Variants in ANKS1B observed in about 807,000 individuals in gnomAD.
ANKS1B encodes the protein ankyrin repeat and sterile alpha motif domain-containing protein 1B.
A neutral mutation model predicts 148.3 loss-of-function variants in ANKS1B; 36 were observed. That is an observed-to-expected ratio of 0.24 (90% confidence interval 0.19 to 0.32). The LOEUF (loss-of-function observed/expected upper bound fraction) is 0.32, where lower values mean the gene tolerates loss of function less well. Ranked by LOEUF, ANKS1B falls within the 10% of genes least tolerant of loss-of-function variation. The pLI, the probability that ANKS1B is intolerant of heterozygous loss-of-function variation, is 1.00. For synonymous variants in ANKS1B, 542 were observed against 560.8 expected, an observed-to-expected ratio of 0.97 and a Z score of 0.47; for missense variants, 1,157 against 1,542.6, an observed-to-expected ratio of 0.75 and a Z score of 4.19.
At chr12:99,365,138 G>C (rs769888549) in intron 12 of ANKS1B, among the ~76,000 whole-genome samples, 1 of 152,318 alleles carries the variant, frequency 6.6e-6, no homozygotes, top group East Asian at 1.9e-4. Flanking sequence ...CATCTTGGGT[G>C]CCAGTGGCTG....
chr12:99,207,140 C>T (rs559591583), intron 14 of ANKS1B, among the ~76,000 whole-genome samples: 81 of 152,252 alleles, frequency 5.3e-4, no homozygotes, highest in Middle Eastern at 3.4e-3. Context: ...TTGCATTGTG[C>T]TATTCTTTAA....
chr12:99,285,847 C>T (rs1471881589), intron 12 of ANKS1B, among the ~76,000 whole-genome samples: 1 of 152,012 alleles, frequency 6.6e-6, no homozygotes, highest in Admixed American at 6.6e-5. Context: ...TCAGCTGGCA[C>T]CCAAAGAGTG....
At chr12:99,285,576 A>C (rs2079019822) in intron 12 of ANKS1B, among the ~76,000 whole-genome samples, 1 of 152,228 alleles carries the variant, frequency 6.6e-6, no homozygotes, top group Non-Finnish European at 1.5e-5. Context: ...TTGAATAACC[A>C]TCCACATAAG....
intron 8 of ANKS1B, among the ~76,000 whole-genome samples, chr12:99,719,111 C>A (rs1337516583): frequency 6.6e-6 from 1 of 152,168 alleles, no homozygotes; most frequent in Non-Finnish European, 1.5e-5. Context: ...AACAACTTGA[C>A]CTTACTGTTT....
At chr12:99,007,349 T>C (rs1432308417) in intron 17 of ANKS1B, among the ~76,000 whole-genome samples, 1 of 152,194 alleles carries the variant, frequency 6.6e-6, no homozygotes, top group Non-Finnish European at 1.5e-5. Flanking sequence ...TTCAAGTAAA[T>C]ACTAGGCCTG....
intron 24 of ANKS1B, among the ~76,000 whole-genome samples, chr12:98,778,168 C>CT (rs2098699258): frequency 6.6e-6 from 1 of 152,214 alleles, no homozygotes; most frequent in South Asian, 2.1e-4. Flanking sequence ...GAATAAAGTA[C>CT]GATGAAAACA....
intron 8 of ANKS1B, among the ~76,000 whole-genome samples, chr12:99,754,569 T>A (rs1354594168): frequency 6.6e-6 from 1 of 152,204 alleles, no homozygotes; most frequent in African/African-American, 2.4e-5. Context: ...ACATGGCACA[T>A]ACTCTAAAAT....
chr12:99,236,791 C>T (rs2088047750), intron 14 of ANKS1B, among the ~76,000 whole-genome samples: 1 of 152,156 alleles, frequency 6.6e-6, no homozygotes, highest in Non-Finnish European at 1.5e-5. Context: ...GAGATTATAT[C>T]CTTTGCAGGG....
intron 9 of ANKS1B, among the ~76,000 whole-genome samples, chr12:99,538,731 T>A (rs112516925): frequency 3.9e-5 from 6 of 152,250 alleles, no homozygotes; most frequent in African/African-American, 1.4e-4. Context: ...GCCCTTTATA[T>A]CTTTCTGTTG....
rs142280286 is a variant in ANKS1B at position 99,766,575 on chromosome 12, G to C, written c.1128+6347C>G. ...ATAAATGCAGGTCAACATGATCCTA[G>C]TTCTACATTCCCTAATTCTTGCAAA... On this transcript the variant is annotated intron_variant, in intron 8 of 26. Transcript: ENST00000683438. 5.2e-3 allele frequency among the ~76,000 whole-genome samples: 791 copies of C among 152,192 alleles called. 2 individuals are homozygous for C. Among genetic ancestry groups the C allele is most frequent in the Non-Finnish European group, 7.8e-3 (531 of 67,978 alleles).
chr12:99,425,139 TAA>T (rs1470015413), intron 11 of ANKS1B, among the ~76,000 whole-genome samples: 1 of 151,996 alleles, frequency 6.6e-6, no homozygotes, highest in East Asian at 1.9e-4. Flanking sequence ...TTAATTCGGC[TAA>T]AGTTTTTCTT....
chr12:98,929,016 G>A lies in ANKS1B; in HGVS notation c.2779-96880C>T, dbSNP rs149417286. On this transcript the variant is annotated intron_variant, in intron 17 of 26. Coordinates refer to ENST00000683438, the MANE Select transcript of ANKS1B (RefSeq NM_001352186.2). Reference sequence around the variant, plus strand: ...GAAACTATCTCTATTTGCAGATTACGTGATCGTTATATAGAAAACCCTAAT... The same window carrying A: ...GAAACTATCTCTATTTGCAGATTACATGATCGTTATATAGAAAACCCTAAT... 2.3e-3 allele frequency among the ~76,000 whole-genome samples: 348 copies of A among 151,062 alleles called. 1 individual carries two copies. Among genetic ancestry groups the A allele is most frequent in the African/African-American group, 8.1e-3 (331 of 41,006 alleles).
chr12:99,052,757 A>AAAAAAAAG (rs2099967078), intron 17 of ANKS1B, among the ~76,000 whole-genome samples: 1 of 148,584 alleles, frequency 6.7e-6, no homozygotes, highest in Non-Finnish European at 1.5e-5. Context: ...AAAAAAAAAA[A>AAAAAAAAG]AGAAATAGAG....
intron 24 of ANKS1B, among the ~76,000 whole-genome samples, chr12:98,778,177 CAT>C (rs2098699438): frequency 6.6e-6 from 1 of 152,166 alleles, no homozygotes; most frequent in Non-Finnish European, 1.5e-5. Context: ...ACGATGAAAA[CAT>C]AAAATATGAA....
At chr12:99,800,191 T>C (rs1033531092) in intron 4 of ANKS1B, among the ~76,000 whole-genome samples, 2 of 151,934 alleles carry the variant, frequency 1.3e-5, no homozygotes, top group African/African-American at 4.8e-5. Context: ...CTGGTGTCCT[T>C]ATAAGGGAAA....
At chr12:99,899,957 G>A (rs937015418) in intron 1 of ANKS1B, among the ~76,000 whole-genome samples, 19 of 151,724 alleles carry the variant, frequency 1.3e-4, no homozygotes, top group African/African-American at 4.6e-4. Flanking sequence ...GGAGTGCAGT[G>A]GCACGATCTC....
intron 9 of ANKS1B, among the ~76,000 whole-genome samples, chr12:99,544,257 A>G (rs1177505917): frequency 1.3e-5 from 2 of 152,172 alleles, no homozygotes; most frequent in African/African-American, 4.8e-5. Flanking sequence ...AAGTTATACC[A>G]GTTATGAAGT....
At chr12:99,292,002 T>A (rs1280969870) in intron 12 of ANKS1B, among the ~76,000 whole-genome samples, 1 of 152,088 alleles carries the variant, frequency 6.6e-6, no homozygotes, top group Non-Finnish European at 1.5e-5. Context: ...ATACAAAAAT[T>A]AATTCAAGAT....
chr12:99,784,872 A>G (rs7956923), intron 4 of ANKS1B, among the ~76,000 whole-genome samples: 81,950 of 152,050 alleles, frequency 0.54, 22,263 homozygotes, highest in Middle Eastern at 0.6. Context: ...TTCCACATCA[A>G]TCTATATTTT....
Sources: allele counts gnomAD v4.1 joint callset (sites outside exome capture counted in the v4.1 genomes callset), GRCh38; gene constraint gnomAD v4.1.1; transcripts MANE v1.5; gene names NCBI Gene and HGNC (gene_info 2026-07-23, HGNC 2026-07-21).